The following NAV1 variants were observed in gnomAD, a reference collection of about 807,000 sequenced individuals.
The protein encoded by NAV1 is pore membrane and/or filament interacting like protein 3.
NAV1 carries 18 observed loss-of-function variants against 175.2 expected under a neutral mutation model. That is an observed-to-expected ratio of 0.10 (90% confidence interval 0.07 to 0.15). The LOEUF is 0.15. Ranked by LOEUF, NAV1 falls within the 10% of genes least tolerant of loss-of-function variation. The pLI, the probability that NAV1 is intolerant of heterozygous loss-of-function variation, is 1.00. For synonymous variants in NAV1, 897 were observed against 978.7 expected (o/e 0.92, Z 1.56); for missense variants, 1,731 against 2,436.6 (o/e 0.71, Z 6.10).
chr1:201,751,346 A>G (rs1229490694), intron 3 of NAV1, among the ~76,000 whole-genome samples: 1 of 152,210 alleles, frequency 6.6e-6, no homozygotes, highest in African/African-American at 2.4e-5. Context: ...GAAGAGATAA[A>G]GCACCTAAAA....
Position 201,694,449 on chromosome 1 carries a change from G to A in NAV1, c.758-18368G>A, listed in dbSNP as rs1204677083. Among the ~76,000 whole-genome samples, 2 of 152,172 alleles carry A rather than the reference G, an allele frequency of 1.3e-5. No individual in the cohort carries two copies. The highest frequency in any genetic ancestry group is 4.8e-5 in the African/African-American group (2 of 41,422). On this transcript the variant is annotated intron_variant, in intron 1 of 29. Coordinates refer to ENST00000367296, the Ensembl canonical transcript of NAV1. The surrounding 1 kb of genome is among the most constrained non-coding windows in gnomAD (Gnocchi z 4.2). ...CTCATTAAAGATAGATGACCCTGGG[G>A]AGGGTGAGGGCCGGGGTCACCAGCT... is the stretch of plus-strand genomic sequence containing the variant.
At chr1:201,732,155 G>T (rs541951904) in intron 3 of NAV1, among the ~76,000 whole-genome samples, 30 of 151,880 alleles carry the variant, frequency 2.0e-4, no homozygotes, top group Admixed American at 5.2e-4. Flanking sequence ...TGTCACCCAG[G>T]CTGGGGTGCA....
At chr1:201,700,327 A>G (rs1277266272) in intron 1 of NAV1, among the ~76,000 whole-genome samples, 1 of 152,248 alleles carries the variant, frequency 6.6e-6, no homozygotes, top group Non-Finnish European at 1.5e-5. Flanking sequence ...CAACAGACAC[A>G]TGAAAAAATG....
chr1:201,582,267 T>C (rs1213794452), intron 1 of NAV1, among the ~76,000 whole-genome samples: 1 of 152,082 alleles, frequency 6.6e-6, no homozygotes, highest in Non-Finnish European at 1.5e-5. Context: ...AGAGAGGAAA[T>C]TTAGTGCTGA....
chr1:201,729,311 A>G (rs1399465273), intron 3 of NAV1, among the ~76,000 whole-genome samples: 2 of 152,252 alleles, frequency 1.3e-5, no homozygotes, highest in Non-Finnish European at 2.9e-5. Flanking sequence ...GAATACGGCA[A>G]TAGTATTGTT....
intron 2 of NAV1, among the ~76,000 whole-genome samples, chr1:201,601,445 T>C (rs1226819726): frequency 6.6e-6 from 1 of 152,164 alleles, no homozygotes; most frequent in Non-Finnish European, 1.5e-5. Context: ...ATCACACCAC[T>C]GTACCCCAGC....
intron 1 of NAV1, among the ~76,000 whole-genome samples, chr1:201,558,059 C>T (rs1666083322): frequency 6.6e-6 from 1 of 152,236 alleles, no homozygotes; most frequent in Non-Finnish European, 1.5e-5. Flanking sequence ...TGTGCGACTT[C>T]GTGCATATTA....
At chr1:201,756,329 G>T (rs757900358) in intron 3 of NAV1, among the ~76,000 whole-genome samples, 5 of 152,060 alleles carry the variant, frequency 3.3e-5, no homozygotes, top group Admixed American at 6.6e-5. Context: ...AGTCTGTAGC[G>T]CTATAATCAT....
At chr1:201,687,906 A>G (rs1053905175) in intron 1 of NAV1, among the ~76,000 whole-genome samples, 2 of 152,214 alleles carry the variant, frequency 1.3e-5, no homozygotes, top group Non-Finnish European at 2.9e-5. Context: ...TTTCCCTCCA[A>G]CCACCTCCAG....
Position 201,804,381 on chromosome 1 carries a change from C to A in NAV1, c.3640-108C>A, listed in dbSNP as rs574036446. 8.8e-5 allele frequency: 103 copies of A among 1,165,808 alleles called. 2 individuals carry two copies. The South Asian group carries it at 1.3e-3, about 15-fold the overall frequency. The allele number at this position is 1,165,808 out of a possible 1,614,324, so 72.2% of individuals were successfully genotyped here. A position where few individuals can be genotyped will look rare whatever the true frequency, so the allele number is the denominator to read the frequency against. The stretch of plus-strand genomic sequence containing the variant: ...CTGTTCAGTAAGACACACCCCCAGA[C>A]CTTTGTATAATGCAGACAGGTACCA... On this transcript the variant is annotated intron_variant, in intron 16 of 29. Coordinates refer to ENST00000367296, the Ensembl canonical transcript of NAV1.
intron 1 of NAV1, among the ~76,000 whole-genome samples, chr1:201,553,640 C>T (rs1010241206): frequency 6.6e-6 from 1 of 152,208 alleles, no homozygotes; most frequent in East Asian, 1.9e-4. Flanking sequence ...TTCCATCAAC[C>T]CACAGAATTT....
At chr1:201,642,779 T>C (rs1177386502) in intron 2 of NAV1, among the ~76,000 whole-genome samples, 1 of 150,350 alleles carries the variant, frequency 6.7e-6, no homozygotes, top group African/African-American at 2.5e-5. Flanking sequence ...CTCTTCTCTT[T>C]TCTTTTCTTT....
intron 7 of NAV1, 131 bp downstream of exon 11, chr1:201,783,983 T>A: frequency 5.1e-6 from 4 of 787,724 alleles, no homozygotes; most frequent in Non-Finnish European, 7.8e-6. Context: ...TTAAGTAATT[T>A]AATTTGCTTC....
Position 201,785,253 on chromosome 1 carries a change from G to C in NAV1, c.2805-57G>C, listed in dbSNP as rs1676647139. 1.9e-6 allele frequency: 3 copies of C among 1,580,536 alleles called. No individual in the cohort carries two copies. In the Admixed American group the frequency reaches 5.3e-5, roughly 28 times the overall value. The stretch of plus-strand genomic sequence containing the variant: ...AATGGTCCTAAACTCTAGTTCCTAA[G>C]ATGGACCCACATGCTTCTCTCTCTC... On this transcript the variant is annotated intron_variant, in intron 7 of 29. Coordinates refer to ENST00000367296, the Ensembl canonical transcript of NAV1.
At chr1:201,601,339 T>C (rs1667505967) in intron 2 of NAV1, among the ~76,000 whole-genome samples, 1 of 152,164 alleles carries the variant, frequency 6.6e-6, no homozygotes, top group African/African-American at 2.4e-5. Flanking sequence ...AAAAATTAGC[T>C]GGGCTTGGTG....
At chr1:201,712,394 G>A (rs77400568) in intron 1 of NAV1, among the ~76,000 whole-genome samples, 2,105 of 152,264 alleles carry the variant, frequency 0.014, 35 homozygotes, top group African/African-American at 0.046. Flanking sequence ...CCCTTCCTCC[G>A]AAAGCCAGTT....
chr1:201,582,310 G>T (rs1451574796), intron 1 of NAV1, among the ~76,000 whole-genome samples: 1 of 152,218 alleles, frequency 6.6e-6, no homozygotes, highest in East Asian at 1.9e-4. Context: ...AAGAGCTGAC[G>T]AGTCAAACAG....
At chr1:201,591,286 C>T (rs1026720933) in intron 2 of NAV1, among the ~76,000 whole-genome samples, 9 of 152,088 alleles carry the variant, frequency 5.9e-5, no homozygotes, top group South Asian at 2.1e-4. Context: ...CTGGGGGAGA[C>T]GAGGCAAGGG....
chr1:201,622,828 CT>C (rs11337755), upstream of NAV1: 19,280 of 985,742 alleles, frequency 0.02, 388 homozygotes, highest in East Asian at 0.19. Context: ...GCCTGACGGT[CT>C]TTTTTTGCCC....
Sources: gnomAD v4.1 joint callset for allele counts (sites outside exome capture counted in the v4.1 genomes callset) on GRCh38, gnomAD v4.1.1 for gene constraint, Gnocchi (gnomAD v3.1) non-coding constraint, MANE v1.5 for transcripts, NCBI Gene and HGNC (gene_info 2026-07-23, HGNC 2026-07-21) for gene names.